Variants in GARIN2 observed in about 807,000 individuals in gnomAD.
GARIN2 encodes golgi associated RAB2 interactor family member 2.
chr14:67,205,251 T>C, the GARIN2 span, among the ~76,000 whole-genome samples: 4 of 152,124 alleles, frequency 2.6e-5, no homozygotes, highest in African/African-American at 9.7e-5. Context: ...TGAACCCTGG[T>C]GTAAAGGAGT....
chr14:67,212,130 G>A, the GARIN2 span, among the ~76,000 whole-genome samples: 1 of 152,112 alleles, frequency 6.6e-6, no homozygotes, highest in Non-Finnish European at 1.5e-5. Flanking sequence ...ATAATGAAAT[G>A]AAAACAGTAA....
chr14:67,222,398 T>G, the GARIN2 span, among the ~76,000 whole-genome samples: 1 of 152,180 alleles, frequency 6.6e-6, no homozygotes, highest in Non-Finnish European at 1.5e-5. Flanking sequence ...TTCAAGTGAT[T>G]CTGCTGCCTC....
chr14:67,208,166 T>A, the GARIN2 span: 1 of 1,610,320 alleles, frequency 6.2e-7, no homozygotes, highest in African/African-American at 1.3e-5. Context: ...GATGCTCTTC[T>A]GTTACCTGAT....
chr14:67,192,422 T>C, the GARIN2 span, among the ~76,000 whole-genome samples: 3 of 152,068 alleles, frequency 2.0e-5, no homozygotes, highest in South Asian at 4.2e-4. Context: ...ACATGTATTT[T>C]TGAGTCACCA....
the GARIN2 span, chr14:67,198,822 C>T: frequency 3.7e-6 from 2 of 536,620 alleles, no homozygotes; most frequent in South Asian, 1.8e-5. Context: ...GCTAACTTTT[C>T]TCTAAACATT....
At chr14:67,204,313 T>C in the GARIN2 span, among the ~76,000 whole-genome samples, 158 of 151,988 alleles carry the variant, frequency 1.0e-3, no homozygotes, top group African/African-American at 3.6e-3. Flanking sequence ...GTGGTACATA[T>C]CTGTTGTCCC....
chr14:67,226,803 T>C, the GARIN2 span, among the ~76,000 whole-genome samples: 1 of 152,172 alleles, frequency 6.6e-6, no homozygotes, highest in African/African-American at 2.4e-5. Flanking sequence ...TCCTGATCTG[T>C]ACCTGTTCCT....
chr14:67,222,298 G>GT, the GARIN2 span, among the ~76,000 whole-genome samples: 2 of 152,078 alleles, frequency 1.3e-5, no homozygotes, highest in African/African-American at 2.4e-5. Context: ...TTGTTTGTTT[G>GT]TTGTTGTTTT....
At chr14:67,196,223 C>CTTTTTTTTTTTTTTTTTTTTTTTTTTTT in the GARIN2 span, among the ~76,000 whole-genome samples, 1 of 143,116 alleles carries the variant, frequency 7.0e-6, no homozygotes, top group Non-Finnish European at 1.5e-5. Context: ...TTCTTTCTTT[C>CTTTTTTTTTTTTTTTTTTTTTTTTTTTT]TTTTTTTTTT....
At chr14:67,218,428 C>G in the GARIN2 span, among the ~76,000 whole-genome samples, 1 of 152,118 alleles carries the variant, frequency 6.6e-6, no homozygotes, top group Admixed American at 6.5e-5. Context: ...GCTTGGCTGA[C>G]TCAGGGACGT....
At chr14:67,228,426 TA>T in the GARIN2 span, 1 of 346,128 alleles carries the variant, frequency 2.9e-6, no homozygotes, top group African/African-American at 2.2e-5. Flanking sequence ...CACCTTTTTT[TA>T]AAATCAGATA....
the GARIN2 span, among the ~76,000 whole-genome samples, chr14:67,206,195 CAAAAG>C: frequency 6.6e-6 from 1 of 151,304 alleles, no homozygotes; most frequent in Non-Finnish European, 1.5e-5. Context: ...AAACACAAAA[CAAAAG>C]AAAAGAAAGA....
At chr14:67,197,045 C>T in the GARIN2 span, 1 of 152,182 alleles carries the variant, frequency 6.6e-6, no homozygotes, top group Non-Finnish European at 1.5e-5. Flanking sequence ...CCTCCCACCT[C>T]AACCTCCCAA....
chr14:67,197,817 T>G, the GARIN2 span, among the ~76,000 whole-genome samples: 6 of 152,194 alleles, frequency 3.9e-5, no homozygotes, highest in African/African-American at 1.4e-4. Flanking sequence ...GCTACCCTAA[T>G]AGGTGTCTCC....
At chr14:67,221,729 AT>A in the GARIN2 span, 5 of 1,604,966 alleles carry the variant, frequency 3.1e-6, no homozygotes, top group African/African-American at 6.7e-5. Flanking sequence ...TTTTCTAAAT[AT>A]TTGTGGTTAT....
the GARIN2 span, among the ~76,000 whole-genome samples, chr14:67,193,405 ATATC>A: frequency 7.1e-6 from 1 of 141,194 alleles, no homozygotes; most frequent in Non-Finnish European, 1.5e-5. Context: ...ATCTAGATAT[ATATC>A]TATATATCTA....
the GARIN2 span, among the ~76,000 whole-genome samples, chr14:67,224,415 T>G: frequency 6.6e-6 from 1 of 151,950 alleles, no homozygotes; most frequent in Non-Finnish European, 1.5e-5. Context: ...CGTGCCACTA[T>G]GCCTAGCTAA....
chr14:67,221,081 T>C, the GARIN2 span, among the ~76,000 whole-genome samples: 1 of 152,152 alleles, frequency 6.6e-6, no homozygotes, highest in Non-Finnish European at 1.5e-5. Flanking sequence ...CCAATGAGGT[T>C]AAGGAAATAA....
chr14:67,207,051 G>A, the GARIN2 span, among the ~76,000 whole-genome samples: 1 of 152,068 alleles, frequency 6.6e-6, no homozygotes, highest in Non-Finnish European at 1.5e-5. Context: ...TAATAAATAT[G>A]TATGACTTTC....
Sources: gnomAD v4.1 joint callset for allele counts (sites outside exome capture counted in the v4.1 genomes callset) on GRCh38, gnomAD v4.1.1 for gene constraint, MANE v1.5 for transcripts, NCBI Gene and HGNC (gene_info 2026-07-23, HGNC 2026-07-21) for gene names.